Variants in ASTN2 observed in about 807,000 individuals in gnomAD.
The protein encoded by ASTN2 is astrotactin 2.
Under a neutral mutation model 139.8 loss-of-function variants are expected in ASTN2, and 54 were observed. The ratio of observed to expected loss-of-function variants is 0.39; its 90% confidence interval spans 0.31 to 0.48. The LOEUF (loss-of-function observed/expected upper bound fraction) is 0.48, where lower values mean the gene tolerates loss of function less well. Among genes scored for constraint, ASTN2 ranks in the 20% least tolerant of loss-of-function variants. The probability of loss-of-function intolerance (pLI) is 0.95; values close to 1 mark genes in which losing one functional copy is unlikely to be tolerated. For missense variants in ASTN2, 1,565 were observed against 1,725.1 expected (o/e 0.91, Z 1.64); for synonymous variants, 756 against 719.5 (o/e 1.05, Z -0.81).
At chr9:117,147,104 G>A (rs1830215367) in intron 3 of ASTN2, among the ~76,000 whole-genome samples, 3 of 152,072 alleles carry the variant, frequency 2.0e-5, no homozygotes, top group Admixed American at 6.5e-5. Flanking sequence ...TTTTGCAAAG[G>A]CATAAGTGTT....
rs144195602 is a variant in ASTN2 at position 116,665,588 on chromosome 9, G to T, written c.2807-13795C>A. Reference sequence around the variant, plus strand: ...CTATTTTTCATTAAAAGGAACAAAGGATACTTGGAAAAATTCCTGAATCCA... The same window carrying T: ...CTATTTTTCATTAAAAGGAACAAAGTATACTTGGAAAAATTCCTGAATCCA... On this transcript the variant is annotated intron_variant, in intron 16 of 22. Transcript: ENST00000313400. Among the ~76,000 whole-genome samples the T allele has an allele frequency of 2.7e-3, 416 of 152,188 alleles. 3 individuals are homozygous for T. The highest frequency in any genetic ancestry group is 9.5e-3 in the African/African-American group (394 of 41,536).
At chr9:117,355,354 G>A (rs140180385) in intron 1 of ASTN2, among the ~76,000 whole-genome samples, 3 of 152,184 alleles carry the variant, frequency 2.0e-5, no homozygotes, top group Non-Finnish European at 4.4e-5. Context: ...ATAATACTAT[G>A]TGTGTGATAA....
At chr9:116,648,578 G>A (rs183451461) in intron 17 of ASTN2, among the ~76,000 whole-genome samples, 136 of 147,940 alleles carry the variant, frequency 9.2e-4, no homozygotes, top group Admixed American at 4.0e-3. Context: ...TTAGTTTGGG[G>A]ACCTCTGATG....
chr9:117,364,521 T>C (rs1213679134), intron 1 of ASTN2, among the ~76,000 whole-genome samples: 2 of 152,174 alleles, frequency 1.3e-5, no homozygotes, highest in Non-Finnish European at 2.9e-5. Flanking sequence ...ATTTACTTAG[T>C]TTTCCAAAAT....
At chr9:116,696,344 CTCTA>C (rs1654207653) in intron 16 of ASTN2, among the ~76,000 whole-genome samples, 1 of 152,112 alleles carries the variant, frequency 6.6e-6, no homozygotes, top group Non-Finnish European at 1.5e-5. Flanking sequence ...ATTCTATACA[CTCTA>C]TATATTATTT....
intron 1 of ASTN2, among the ~76,000 whole-genome samples, chr9:117,334,746 G>A (rs938950444): frequency 6.6e-5 from 10 of 152,008 alleles, no homozygotes; most frequent in Non-Finnish European, 1.5e-4. Context: ...AAGTTTTCCT[G>A]ATGATTATTT....
At chr9:116,994,247 A>C (rs1055599252) in intron 7 of ASTN2, among the ~76,000 whole-genome samples, 5 of 152,186 alleles carry the variant, frequency 3.3e-5, no homozygotes, top group Non-Finnish European at 5.9e-5. Flanking sequence ...TGTCATGGGC[A>C]ATATGTAAGC....
intron 14 of ASTN2, among the ~76,000 whole-genome samples, chr9:116,729,535 A>G (rs1037381866): frequency 6.6e-6 from 1 of 152,206 alleles, no homozygotes; most frequent in Admixed American, 6.5e-5. Context: ...GTGCATGTAG[A>G]CCACATGTAA....
chr9:117,378,806 G>A (rs190607605), intron 1 of ASTN2, among the ~76,000 whole-genome samples: 3 of 152,270 alleles, frequency 2.0e-5, no homozygotes, highest in Non-Finnish European at 4.4e-5. Flanking sequence ...GTCCCCACCC[G>A]AATCTCTTCA....
At chr9:117,214,208 T>G in intron 3 of ASTN2, 150 bp downstream of exon 3, 2 of 966,196 alleles carry the variant, frequency 2.1e-6, no homozygotes, top group Non-Finnish European at 3.0e-6. Flanking sequence ...GAAGACAAAC[T>G]TGATAACCCA....
intron 19 of ASTN2, among the ~76,000 whole-genome samples, chr9:116,523,203 CTT>C (rs775154721): frequency 1.9e-4 from 27 of 144,850 alleles, no homozygotes; most frequent in Admixed American, 2.8e-4. Context: ...ATTCAGAGAC[CTT>C]TTTTTTTTTT....
At chr9:117,314,119 T>C (rs1403148871) in intron 1 of ASTN2, among the ~76,000 whole-genome samples, 3 of 152,194 alleles carry the variant, frequency 2.0e-5, no homozygotes, top group Admixed American at 6.6e-5. Flanking sequence ...CTGAAAAAGA[T>C]AGAGACATCT....
chr9:116,469,809 A>T (rs958742229), intron 20 of ASTN2, among the ~76,000 whole-genome samples: 1 of 152,228 alleles, frequency 6.6e-6, no homozygotes, highest in Admixed American at 6.5e-5. Context: ...ACGTTAATAC[A>T]CACATAAATC....
At chr9:117,155,570 A>G (rs1487394890) in intron 3 of ASTN2, among the ~76,000 whole-genome samples, 1 of 151,966 alleles carries the variant, frequency 6.6e-6, no homozygotes, top group Non-Finnish European at 1.5e-5. Context: ...TCTGTGCAAC[A>G]CAGGAGACTC....
chr9:116,968,496 AGAGAGAAAAGAG>A (rs1284178470), intron 10 of ASTN2, among the ~76,000 whole-genome samples: 2 of 151,560 alleles, frequency 1.3e-5, no homozygotes, highest in Non-Finnish European at 1.5e-5. Context: ...AGCTGAAAAA[AGAGAGAAAAGAG>A]GAGAGAAAAG....
At chr9:117,389,633 T>C (rs1379081581) in intron 1 of ASTN2, among the ~76,000 whole-genome samples, 2 of 152,160 alleles carry the variant, frequency 1.3e-5, no homozygotes, top group African/African-American at 4.8e-5. Flanking sequence ...AGAAGGACCA[T>C]ATTCGACACT....
intron 10 of ASTN2, among the ~76,000 whole-genome samples, chr9:116,933,172 T>A (rs1834957526): frequency 1.3e-5 from 2 of 152,078 alleles, no homozygotes; most frequent in South Asian, 4.1e-4. Context: ...ACTAATAAAG[T>A]GTTGGCAGGA....
chr9:116,476,635 C>T (rs1288515993), intron 20 of ASTN2, among the ~76,000 whole-genome samples: 1 of 152,198 alleles, frequency 6.6e-6, no homozygotes, highest in African/African-American at 2.4e-5. Flanking sequence ...AGACAGTCAA[C>T]AAATATGCGC....
intron 16 of ASTN2, among the ~76,000 whole-genome samples, chr9:116,696,004 T>G (rs1860830669): frequency 6.6e-6 from 1 of 152,180 alleles, no homozygotes. Context: ...TTCTGGATAT[T>G]GCTCAAATGA....
Sources: gnomAD v4.1 joint callset for allele counts (sites outside exome capture counted in the v4.1 genomes callset) on GRCh38, gnomAD v4.1.1 for gene constraint, MANE v1.5 for transcripts, NCBI Gene and HGNC (gene_info 2026-07-23, HGNC 2026-07-21) for gene names.